Variants in SLC16A7 observed in about 807,000 individuals in gnomAD.
The protein encoded by SLC16A7 is monocarboxylate transporter 2.
In SLC16A7, 33 loss-of-function variants were observed where a neutral mutation model predicts 34.9. The observed-to-expected ratio is 0.94, with a 90% CI of 0.72 to 1.26. The LOEUF is 1.26. Ranked by LOEUF, SLC16A7 falls within the 50% of genes most tolerant of loss-of-function variation. The pLI is 0.00. For synonymous variants in SLC16A7, 201 were observed against 206.6 expected, an observed-to-expected ratio of 0.97 and a Z score of 0.23; for missense variants, 573 against 578.1, an observed-to-expected ratio of 0.99 and a Z score of 0.09.
At chr12:59,748,518 A>G (rs368320801) in intron 3 of SLC16A7, among the ~76,000 whole-genome samples, 3 of 152,228 alleles carry the variant, frequency 2.0e-5, no homozygotes, top group East Asian at 3.9e-4. Flanking sequence ...GTTCTTGCAT[A>G]TTTTGTATCA....
chr12:59,671,089 T>C (rs889904195), intron 2 of SLC16A7, among the ~76,000 whole-genome samples: 1 of 152,152 alleles, frequency 6.6e-6, no homozygotes, highest in East Asian at 1.9e-4. Context: ...CTACGGTCAT[T>C]TCTGTAAATC....
intron 2 of SLC16A7, among the ~76,000 whole-genome samples, chr12:59,656,445 T>C (rs1868540215): frequency 6.6e-6 from 1 of 151,872 alleles, no homozygotes; most frequent in Non-Finnish European, 1.5e-5. Context: ...TTTGTTGATG[T>C]AGGAATGCAG....
chr12:59,757,278 A>G lies in SLC16A7; in HGVS notation c.218-13941A>G, dbSNP rs572967488. 2.0e-4 allele frequency among the ~76,000 whole-genome samples: 31 copies of G among 152,022 alleles called. No homozygotes were observed. The East Asian group carries it at 5.2e-3, about 26-fold the overall frequency. On this transcript the variant is annotated intron_variant, in intron 3 of 5. Transcript: ENST00000547379. Reference sequence around the variant, plus strand: ...TAATAATAATAAAATAAAATAAAATAAAAAAAGAAGAAATACCTAATGTAG... The same window carrying G: ...TAATAATAATAAAATAAAATAAAATGAAAAAAGAAGAAATACCTAATGTAG...
At chr12:59,752,657 T>G (rs181599854) in intron 3 of SLC16A7, among the ~76,000 whole-genome samples, 5 of 152,164 alleles carry the variant, frequency 3.3e-5, no homozygotes, top group African/African-American at 1.2e-4. Flanking sequence ...ACAGAGAGAA[T>G]GGAACCAAGT....
intron 1 of SLC16A7, among the ~76,000 whole-genome samples, chr12:59,630,048 A>G (rs960815168): frequency 1.3e-5 from 2 of 151,916 alleles, no homozygotes; most frequent in Non-Finnish European, 2.9e-5. Flanking sequence ...CAATTATTGA[A>G]ACGAAGAACA....
chr12:59,659,224 A>G (rs991740296), intron 2 of SLC16A7, among the ~76,000 whole-genome samples: 1 of 152,098 alleles, frequency 6.6e-6, no homozygotes, highest in Non-Finnish European at 1.5e-5. Context: ...ACACACACAC[A>G]CATATAGCCT....
intron 3 of SLC16A7, among the ~76,000 whole-genome samples, chr12:59,738,857 A>G (rs1166325444): frequency 6.7e-6 from 1 of 149,480 alleles, no homozygotes; most frequent in African/African-American, 2.5e-5. Flanking sequence ...TTACATTTTT[A>G]TTAAGGTCTT....
At chr12:59,725,729 T>C (rs938323262) in intron 3 of SLC16A7, among the ~76,000 whole-genome samples, 4 of 152,182 alleles carry the variant, frequency 2.6e-5, no homozygotes, top group African/African-American at 4.8e-5. Context: ...TCAAAAAATA[T>C]GAAGTTATTC....
At chr12:59,761,690 A>G (rs12826693) in intron 3 of SLC16A7, among the ~76,000 whole-genome samples, 10,364 of 152,210 alleles carry the variant, frequency 0.068, 491 homozygotes, top group South Asian at 0.17. Flanking sequence ...TGTGAACTAC[A>G]CACATTCTTG....
Position 59,706,055 on chromosome 12 carries a change from A to G in SLC16A7, c.217+1037A>G, listed in dbSNP as rs147334691. On this transcript the variant is annotated intron_variant, in intron 3 of 5. Transcript: ENST00000547379. ...ATTATCTTCTCTTTATTCCATAGCT[A>G]AGGAAATATATACAATAGCTCTCCC... 1.4e-3 allele frequency among the ~76,000 whole-genome samples: 214 copies of G among 152,262 alleles called. 1 individual carries two copies. The highest frequency in any genetic ancestry group is 6.8e-3 in the Middle Eastern group (2 of 294).
rs1169274364 is a variant in SLC16A7, at chr12:59,787,577, G to C, written c.*7898G>C. ...AAGATCTGTGGTGAAGGGGAAGAGG[G>C]GTTGCTATTAGGAGTTTTCCCGGTA... On this transcript the variant is annotated 3_prime_UTR_variant, in exon 6 of 6. Coordinates refer to ENST00000547379, the MANE Select transcript of SLC16A7 (RefSeq NM_001270623.2). The C allele has an allele frequency of 6.6e-6, 1 of 152,140 alleles. No homozygotes were observed. The highest frequency in any genetic ancestry group is 6.5e-5 in the Admixed American group (1 of 15,268). 9.4% of individuals were successfully genotyped at this position (152,140 alleles called of 1,614,324 possible). A position where few individuals can be genotyped will look rare whatever the true frequency, so the allele number is the denominator to read the frequency against.
chr12:59,689,947 G>A (rs948662156), intron 2 of SLC16A7, among the ~76,000 whole-genome samples: 3 of 151,984 alleles, frequency 2.0e-5, no homozygotes, highest in African/African-American at 7.2e-5. Context: ...GCTGATAAGT[G>A]GAATTCCAGG....
At chr12:59,669,413 A>G (rs532895774) in intron 2 of SLC16A7, among the ~76,000 whole-genome samples, 1 of 152,216 alleles carries the variant, frequency 6.6e-6, no homozygotes, top group South Asian at 2.1e-4. Flanking sequence ...AGACTCTTCA[A>G]TTTATCTTTT....
chr12:59,644,761 C>T (rs753177662), intron 1 of SLC16A7, among the ~76,000 whole-genome samples: 4 of 152,076 alleles, frequency 2.6e-5, no homozygotes, highest in Non-Finnish European at 5.9e-5. Flanking sequence ...ACTTCTCGTT[C>T]CTCCCTCCCC....
At chr12:59,618,472 A>G (rs945556778) in intron 1 of SLC16A7, among the ~76,000 whole-genome samples, 2 of 152,022 alleles carry the variant, frequency 1.3e-5, no homozygotes, top group African/African-American at 4.8e-5. Context: ...TTCAAGAAGC[A>G]TAGGAGTAAG....
intron 3 of SLC16A7, among the ~76,000 whole-genome samples, chr12:59,755,368 C>T (rs991581165): frequency 6.6e-6 from 1 of 152,152 alleles, no homozygotes; most frequent in Non-Finnish European, 1.5e-5. Context: ...ATTGTCTCAG[C>T]CCAAAATCTC....
At chr12:59,716,745 G>T (rs1874952608) in intron 3 of SLC16A7, among the ~76,000 whole-genome samples, 2 of 152,108 alleles carry the variant, frequency 1.3e-5, no homozygotes. Context: ...TACTCAGGAG[G>T]CTGAAGTGGG....
chr12:59,609,950 C>T (rs1466720956), intron 1 of SLC16A7, among the ~76,000 whole-genome samples: 1 of 152,170 alleles, frequency 6.6e-6, no homozygotes, highest in Non-Finnish European at 1.5e-5. Context: ...AGAGTTTTTA[C>T]AGCATCACCT....
chr12:59,665,772 T>TA (rs1869145251), intron 2 of SLC16A7, among the ~76,000 whole-genome samples: 6 of 151,840 alleles, frequency 4.0e-5, no homozygotes, highest in Admixed American at 3.9e-4. Context: ...CACATATATG[T>TA]AACTTTTATA....
Sources: allele counts gnomAD v4.1 joint callset (sites outside exome capture counted in the v4.1 genomes callset), GRCh38; gene constraint gnomAD v4.1.1; transcripts MANE v1.5; gene names NCBI Gene and HGNC (gene_info 2026-07-23, HGNC 2026-07-21).